Variants in MED16 observed in about 807,000 individuals in gnomAD.
The protein encoded by MED16 is mediator of RNA polymerase II transcription subunit 16.
Under a neutral mutation model 84.4 loss-of-function variants are expected in MED16, and 81 were observed. The ratio of observed to expected loss-of-function variants is 0.96; its 90% CI spans 0.80 to 1.15. The LOEUF (loss-of-function observed/expected upper bound fraction) is 1.15. Ranked by LOEUF, MED16 falls within the 50% of genes most tolerant of loss-of-function variation. MED16 has a pLI of 0.00. For missense variants in MED16, 1,585 were observed against 1,245.9 expected (o/e 1.27, Z -4.10); for synonymous variants, 897 against 552.2 (o/e 1.62, Z -8.76).
chr19:878,689 C>T (rs2036332016), intron 8 of MED16, among the ~76,000 whole-genome samples: 2 of 124,836 alleles, frequency 1.6e-5, no homozygotes, highest in Admixed American at 8.2e-5. Flanking sequence ...CAGCCCCAAC[C>T]CCACGTGCCC....
At chr19:891,175 G>A (rs747143404) in intron 1 of MED16, 26 bp from the exon 2 acceptor site, 14 of 1,581,976 alleles carry the variant, frequency 8.8e-6, no homozygotes, top group South Asian at 1.2e-5. Context: ...GTGGTGGGAC[G>A]TCTATGTTGG....
chr19:890,349 G>A, intron 2 of MED16, 105 bp from the exon 3 acceptor site: 4 of 738,554 alleles, frequency 5.4e-6, no homozygotes, highest in Non-Finnish European at 8.6e-6. Flanking sequence ...CCCACCCCAG[G>A]AAGGTCACAG....
Position 873,404 on chromosome 19 carries a change from G to T in MED16, c.1905+45C>A, listed in dbSNP as rs778312840. On this transcript the variant is annotated intron_variant, in intron 11 of 15. Coordinates refer to ENST00000325464, the MANE Select transcript of MED16 (RefSeq NM_005481.3). ...AGGGAAGCGGGGTCCTGATGAGATG[G>T]GGGCCCAGGTGGGGGGCGGGGCCTT... is the stretch of plus-strand genomic sequence containing the variant. The T allele has an allele frequency of 2.5e-6, 4 of 1,585,206 alleles. No individual in the cohort carries two copies. In the African/African-American group the frequency reaches 5.4e-5, roughly 21 times the overall value.
chr19:885,566 C>T (rs937097386), intron 5 of MED16, among the ~76,000 whole-genome samples: 36 of 152,098 alleles, frequency 2.4e-4, no homozygotes, highest in African/African-American at 7.7e-4. Context: ...GGGAGGAAGG[C>T]GCCCCGAACC....
rs955011148 is a variant in MED16, at chr19:887,495, G to A, written c.448-1294C>T. ...ATCCTGGCCAAGATAGTGAAACCCC[G>A]TCTCTACTAAAAATACAAAAATTAG... On this transcript the variant is annotated intron_variant, in intron 4 of 15. Transcript: ENST00000325464. Among the ~76,000 whole-genome samples the A allele has an allele frequency of 2.0e-5, 3 of 151,792 alleles. 1 individual carries two copies. Among genetic ancestry groups the A allele is most frequent in the Admixed American group, 1.3e-4 (2 of 15,226 alleles).
rs111620646 is a variant in MED16 at position 868,049 on chromosome 19, C to T, written c.*52G>A. On this transcript the variant is annotated 3_prime_UTR_variant, in exon 16 of 16. Transcript: ENST00000325464. Reference sequence around the variant, plus strand: ...CTCTCCGCGGGTGAGGCAAGGAAACCGAGGAGACGCCCGAGCCGGGTCACC... The same window carrying T: ...CTCTCCGCGGGTGAGGCAAGGAAACTGAGGAGACGCCCGAGCCGGGTCACC... 1.5e-5 allele frequency: 23 copies of T among 1,551,166 alleles called. 1 individual carries two copies. In the African/African-American group the frequency reaches 1.5e-4, roughly 10 times the overall value.
At chr19:869,651 C>T (rs188191480) in intron 13 of MED16, among the ~76,000 whole-genome samples, 196 of 152,252 alleles carry the variant, frequency 1.3e-3, no homozygotes, top group Non-Finnish European at 1.3e-3. Flanking sequence ...CCGGAGGTCC[C>T]GGAGCCAAGC....
chr19:873,861 G>C (rs1457066871), intron 10 of MED16, among the ~76,000 whole-genome samples: 1 of 152,158 alleles, frequency 6.6e-6, no homozygotes, highest in African/African-American at 2.4e-5. Context: ...AGGGCCACCA[G>C]TGCTCAGGCC....
At position 870,815 on chromosome 19, in the gene MED16, G is replaced by A. The variant is rs185330640; in HGVS notation, c.2315+222C>T. ...GGACCCGGGGCAGGACATGGAGGGA[G>A]GGAGCCGTGTGGATTCGGGGGGTCC... On this transcript the variant is annotated intron_variant, in intron 13 of 15. Transcript: ENST00000325464. Among the ~76,000 whole-genome samples the A allele has an allele frequency of 3.3e-3, 487 of 148,414 alleles. 11 individuals are homozygous for A. Among genetic ancestry groups the A allele is most frequent in the Admixed American group, 0.019 (285 of 14,888 alleles).
intron 15 of MED16, 55 bp downstream of exon 15, chr19:868,361 G>GAGTAGCTGAGA (rs973641938): frequency 5.6e-6 from 9 of 1,596,494 alleles, no homozygotes; most frequent in Non-Finnish European, 4.3e-6. Flanking sequence ...AGTAGCTGAG[G>GAGTAGCTGAGA]GGCAGCTGGG....
At chr19:892,843 G>A (rs1464051419) in intron 1 of MED16, 1 of 145,866 alleles carries the variant, frequency 6.9e-6, no homozygotes, top group Non-Finnish European at 1.5e-5. Context: ...GCGGGCCTCA[G>A]GCCTCCCCCA....
rs777877843 is a variant in MED16, at chr19:871,979, G to C, written c.2045C>G (p.Thr682Ser). ...GAAGAGCAGGGACATGCTGTCCTGG[G>C]TATCCGAGGTGGCCGTATACACGGG... is the stretch of plus-strand genomic sequence containing the variant. ...CLPVYTATSD[T>S]QDSMSLLFRL... Residue 682 changes from threonine (T) to serine (S), a missense_variant, in exon 12 of 16, where the codon ACC becomes AGC. Thr to Ser is a moderately conservative substitution (Grantham distance 58). Coordinates refer to ENST00000325464, the MANE Select transcript of MED16 (RefSeq NM_005481.3). The C allele has an allele frequency of 1.9e-5, 31 of 1,607,884 alleles. No individual in the cohort carries two copies. Among genetic ancestry groups the C allele is most frequent in the Non-Finnish European group, 2.0e-5 (23 of 1,177,940 alleles).
rs1246939499 is a variant in MED16, at chr19:885,889, G to A, written c.760C>T (p.Arg254Cys). 4 of 1,613,586 alleles carry A rather than the reference G, an allele frequency of 2.5e-6. No individual in the cohort carries two copies. Among genetic ancestry groups the A allele is most frequent in the Non-Finnish European group, 3.4e-6 (4 of 1,179,962 alleles). ...VCVSVVSEKC[R>C]IDTEILPSLF... ...GAGGGCAGGATCTCCGTGTCGATAC[G>A]GCACTTCTCGCTCACCACGCTCACG... Residue 254 changes from arginine (R) to cysteine (C), a missense_variant, in exon 5 of 16, where the codon CGT becomes TGT. By Grantham distance (180) the Arg-to-Cys change is radical. Transcript: ENST00000325464.
In MED16 at chr19:877,064, G is replaced by A. The variant is rs777743498; in HGVS notation, c.1470C>T (p.Asp490=). 135 of 1,612,612 alleles carry A rather than the reference G, an allele frequency of 8.4e-5. No individual in the cohort carries two copies. Among genetic ancestry groups the A allele is most frequent in the Non-Finnish European group, 1.1e-4 (128 of 1,179,922 alleles). ...YCMVTGYDWW[D]ILLHVQPSMV... is the part of the protein sequence containing the mutation. ...TACTGGGCTGCACGTGCAGCAGGAT[G>A]TCCCACCAGTCGTAGCCGGTCACCA... The change falls in exon 9 of 16, where the codon GAC becomes GAT. Residue 490 remains aspartate, a synonymous_variant. Coordinates refer to ENST00000325464, the MANE Select transcript of MED16 (RefSeq NM_005481.3).
intron 2 of MED16, 96 bp from the exon 3 acceptor site, chr19:890,340 C>G: frequency 1.2e-6 from 1 of 822,878 alleles, no homozygotes; most frequent in Non-Finnish European, 1.9e-6. Flanking sequence ...GGTGTGTGTC[C>G]CACCCCAGGA....
intron 13 of MED16, among the ~76,000 whole-genome samples, chr19:870,744 G>A (rs555611626): frequency 1.3e-5 from 2 of 151,606 alleles, no homozygotes; most frequent in South Asian, 2.1e-4. Flanking sequence ...GATTCGGGGG[G>A]GTCCTGGGGC....
chr19:876,949 G>GCCCCCACCTGCCACGGA (rs749501644), intron 9 of MED16, 25 bp downstream of exon 9: 2 of 1,589,470 alleles, frequency 1.3e-6, no homozygotes, highest in Admixed American at 1.7e-5. Flanking sequence ...CCTGCCACGG[G>GCCCCCACCTGCCACGGA]GCCCCACCTG....
At chr19:880,594 G>A (rs568543917) in intron 7 of MED16, among the ~76,000 whole-genome samples, 95 of 152,304 alleles carry the variant, frequency 6.2e-4, no homozygotes, top group African/African-American at 2.2e-3. Context: ...AAAGCTCATG[G>A]AAAAGAGAAT....
intron 14 of MED16, 94 bp downstream of exon 14, chr19:868,769 C>A: frequency 7.3e-7 from 1 of 1,368,580 alleles, no homozygotes; most frequent in Non-Finnish European, 9.9e-7. Flanking sequence ...CTCCACCACC[C>A]TTGACCGTCT....
Sources: allele counts gnomAD v4.1 joint callset (sites outside exome capture counted in the v4.1 genomes callset), GRCh38; gene constraint gnomAD v4.1.1; transcripts MANE v1.5; gene names NCBI Gene and HGNC (gene_info 2026-07-23, HGNC 2026-07-21).